The following KDM4A variants were observed in gnomAD, a reference collection of about 807,000 sequenced individuals.
KDM4A encodes the protein lysine-specific demethylase 4A.
In KDM4A, 23 loss-of-function variants were observed where a neutral mutation model predicts 127.1. The observed-to-expected ratio is 0.18, with a 90% CI of 0.13 to 0.26. The LOEUF is 0.26. Ranked by LOEUF, KDM4A falls within the 10% of genes least tolerant of loss-of-function variation. KDM4A has a pLI of 1.00. For missense variants in KDM4A, 890 were observed against 1,329.1 expected, an observed-to-expected ratio of 0.67 and a Z score of 5.14; for synonymous variants, 443 against 466.5, an observed-to-expected ratio of 0.95 and a Z score of 0.65.
At chr1:43,676,873 T>C (rs902322292) in intron 11 of KDM4A, among the ~76,000 whole-genome samples, 1 of 152,212 alleles carries the variant, frequency 6.6e-6, no homozygotes, top group Non-Finnish European at 1.5e-5. Flanking sequence ...TATTTTGAAA[T>C]GTACAATAGA....
At chr1:43,690,344 C>T (rs538973627) in intron 13 of KDM4A, among the ~76,000 whole-genome samples, 82 of 151,426 alleles carry the variant, frequency 5.4e-4, no homozygotes, top group African/African-American at 1.7e-3. Flanking sequence ...TTTTTTTAGA[C>T]GGAGTCTCAG....
At position 43,669,820 on chromosome 1, in the gene KDM4A, T is replaced by C. The variant is rs947619193; in HGVS notation, c.1363+521T>C. 5.3e-5 allele frequency among the ~76,000 whole-genome samples: 8 copies of C among 152,116 alleles called. 1 individual carries two copies. The East Asian group carries it at 1.6e-3, about 29-fold the overall frequency. On this transcript the variant is annotated intron_variant, in intron 10 of 21. Transcript: ENST00000372396. ...CCTGCCACCATGCCTGGCTAATTTT[T>C]TTTTGTATTTTTAGTAGCGATGGGG...
chr1:43,672,572 G>A (rs1557910335), intron 11 of KDM4A, among the ~76,000 whole-genome samples: 1 of 150,562 alleles, frequency 6.6e-6, no homozygotes, highest in Non-Finnish European at 1.5e-5. Flanking sequence ...TTGGCTCACT[G>A]CAAGCTCCGC....
At chr1:43,666,828 A>G (rs1660510489) in intron 7 of KDM4A, 126 bp from the exon 8 acceptor site, 1 of 911,144 alleles carries the variant, frequency 1.1e-6, no homozygotes, top group Admixed American at 2.3e-5. Context: ...TATAGAAGAC[A>G]GCAAGGACCC....
At chr1:43,673,660 T>G (rs185986664) in intron 11 of KDM4A, among the ~76,000 whole-genome samples, 1 of 152,282 alleles carries the variant, frequency 6.6e-6, no homozygotes, top group East Asian at 1.9e-4. Flanking sequence ...TGTGTTTCCT[T>G]CTCATTGCCT....
rs1293765817 is a variant in KDM4A, at chr1:43,705,127, G to A, written c.*757G>A. The A allele has an allele frequency of 6.6e-6, 1 of 152,292 alleles. No individual in the cohort carries two copies. The highest frequency in any genetic ancestry group is 1.5e-5 in the Non-Finnish European group (1 of 68,058). 9.4% of individuals were successfully genotyped at this position (152,292 alleles called of 1,614,324 possible). A position where few individuals can be genotyped will look rare whatever the true frequency, so the allele number is the denominator to read the frequency against. On this transcript the variant is annotated 3_prime_UTR_variant, in exon 22 of 22. Transcript: ENST00000372396. ...GCAAAGTATTACAGGGTGTGGGTGGGGATTACCCTGAATCGGGGATTTTAA... is the reference window on the plus strand; with the variant it reads ...GCAAAGTATTACAGGGTGTGGGTGGAGATTACCCTGAATCGGGGATTTTAA...
At chr1:43,698,465 A>G (rs775537362) in intron 19 of KDM4A, among the ~76,000 whole-genome samples, 3 of 152,202 alleles carry the variant, frequency 2.0e-5, no homozygotes, top group Non-Finnish European at 2.9e-5. Flanking sequence ...AGGGCTAAGT[A>G]GAAACTGCCT....
chr1:43,703,715 C>T lies in KDM4A; in HGVS notation c.2940C>T (p.Ser980=). 6.2e-7 allele frequency: 1 copy of T among 1,614,070 alleles called. No homozygotes were observed. Residue 980 remains serine, a synonymous_variant, in exon 20 of 22, where the codon TCC becomes TCT. Coordinates refer to ENST00000372396, the MANE Select transcript of KDM4A (RefSeq NM_014663.3). ...TCTATGGAGCCAAGTTTGTGGCCTCCCACCCTATCCAAATGTACCAGGTAT... is the reference window on the plus strand; with the variant it reads ...TCTATGGAGCCAAGTTTGTGGCCTCTCACCCTATCCAAATGTACCAGGTAT... ...GQVYGAKFVA[S]HPIQMYQVEF... is the part of the protein sequence containing the mutation.
chr1:43,658,569 T>C (rs1161811242), intron 3 of KDM4A, among the ~76,000 whole-genome samples: 1 of 150,898 alleles, frequency 6.6e-6, no homozygotes, highest in African/African-American at 2.5e-5. Flanking sequence ...AGTGGTGCTA[T>C]TTAGGCTCAC....
chr1:43,691,780 C>T (rs1158219771), intron 15 of KDM4A, among the ~76,000 whole-genome samples: 1 of 152,140 alleles, frequency 6.6e-6, no homozygotes, highest in East Asian at 1.9e-4. Context: ...GTGTTTGCTC[C>T]ATTGTGGAAA....
At chr1:43,703,354 G>T in intron 19 of KDM4A, 1 of 333,488 alleles carries the variant, frequency 3.0e-6, no homozygotes, top group Admixed American at 4.6e-5. Context: ...TCTTGATTCT[G>T]GCACTTAACT....
chr1:43,699,095 T>TA (rs1557921966), intron 19 of KDM4A, among the ~76,000 whole-genome samples: 1 of 150,006 alleles, frequency 6.7e-6, no homozygotes, highest in Non-Finnish European at 1.5e-5. Flanking sequence ...GGCCTTATTT[T>TA]TTTTTTTTTT....
rs750250292 is a variant in KDM4A, at chr1:43,691,519, A to G, written c.2266A>G (p.Lys756Glu). The G allele has an allele frequency of 1.2e-6, 2 of 1,613,548 alleles. No homozygotes were observed. Among genetic ancestry groups the G allele is most frequent in the Middle Eastern group, 1.6e-4 (1 of 6,062 alleles). The change falls in exon 15 of 22, where the codon AAG becomes GAG. Residue 756 changes from lysine to glutamate, a missense_variant. Around this residue, in one of 7 missense-constraint regions of KDM4A, gnomAD observed 246 missense variants for 418.4 expected, o/e 0.59. Coordinates refer to ENST00000372396, the MANE Select transcript of KDM4A (RefSeq NM_014663.3). ...AGGTTGCTATGGGGTCCCCCCTGCAAAGGCTTCTGAAGACTGGATGTGTTC... is the reference window on the plus strand; with the variant it reads ...AGGTTGCTATGGGGTCCCCCCTGCAGAGGCTTCTGAAGACTGGATGTGTTC... ...HASCYGVPPA[K>E]ASEDWMCSRC... is the part of the protein sequence containing the mutation.
At chr1:43,692,570 G>A (rs1661142002) in intron 16 of KDM4A, among the ~76,000 whole-genome samples, 1 of 152,196 alleles carries the variant, frequency 6.6e-6, no homozygotes, top group Admixed American at 6.5e-5. Flanking sequence ...GCTAAGAATG[G>A]ACTCATGAGA....
chr1:43,688,854 C>T lies in KDM4A; in HGVS notation c.1856-60C>T. The stretch of plus-strand genomic sequence containing the variant: ...GTCCTAGTGGAACTCATCTGTTCTC[C>T]AGGCAGAGCCACAGATGTGCAGGGT... On this transcript the variant is annotated intron_variant, in intron 12 of 21. Coordinates refer to ENST00000372396, the MANE Select transcript of KDM4A (RefSeq NM_014663.3). The surrounding 1 kb of genome is among the most constrained non-coding windows in gnomAD (Gnocchi z 4.4). 1.3e-6 allele frequency: 2 copies of T among 1,502,032 alleles called. No individual in the cohort carries two copies. The highest frequency in any genetic ancestry group is 1.2e-5 in the South Asian group (1 of 84,380). 93.0% of individuals were successfully genotyped at this position (1,502,032 alleles called of 1,614,324 possible).
chr1:43,668,421 G>A (rs1009338397), intron 9 of KDM4A, among the ~76,000 whole-genome samples: 3 of 152,138 alleles, frequency 2.0e-5, no homozygotes, highest in Non-Finnish European at 4.4e-5. Flanking sequence ...CACCGCGCCC[G>A]GCCGAGGCTG....
chr1:43,654,702 AGTGTGTGTGTGTGT>A (rs58710892), intron 2 of KDM4A, among the ~76,000 whole-genome samples: 17,066 of 131,862 alleles, frequency 0.13, 1,321 homozygotes, highest in African/African-American at 0.22. Flanking sequence ...GATGCTTGTG[AGTGTGTGTGTGTGT>A]GTGTGTGTGT....
At position 43,691,562 on chromosome 1, in the gene KDM4A, C is replaced by T. The variant is rs1338079893; in HGVS notation, c.2309C>T (p.Ala770Val). The T allele has an allele frequency of 1.2e-6, 2 of 1,613,386 alleles. No individual in the cohort carries two copies. Among genetic ancestry groups the T allele is most frequent in the Non-Finnish European group, 1.7e-6 (2 of 1,179,730 alleles). Residue 770 changes from alanine to valine, a missense_variant, in exon 15 of 22, where the codon GCC (alanine) becomes GTC (valine). Ala to Val is a moderately conservative substitution (Grantham distance 64, BLOSUM62 0). Around this residue, in one of 7 missense-constraint regions of KDM4A, gnomAD observed 246 missense variants for 418.4 expected, o/e 0.59. Transcript: ENST00000372396. ...ATGTGTTCTCGGTGTTCAGCCAATG[C>T]CCTAGAGGAGGTGAGTGATCCCACA... ...DWMCSRCSAN[A>V]LEEDCCLCSL...
intron 11 of KDM4A, among the ~76,000 whole-genome samples, chr1:43,678,269 T>G (rs1660784590): frequency 6.6e-6 from 1 of 151,402 alleles, no homozygotes; most frequent in Admixed American, 6.6e-5. Flanking sequence ...GGTGTGGGAG[T>G]CACCAGGAGG....
Sources: allele counts gnomAD v4.1 joint callset (sites outside exome capture counted in the v4.1 genomes callset), GRCh38; gene constraint gnomAD v4.1.1; regional missense constraint gnomAD v4.1.1; non-coding constraint Gnocchi (gnomAD v3.1); transcripts MANE v1.5; gene names NCBI Gene and HGNC (gene_info 2026-07-23, HGNC 2026-07-21).